The following PSMD14 variants were observed in gnomAD, a reference collection of about 807,000 sequenced individuals.
The protein encoded by PSMD14 is ubiquitin C-terminal hydrolase PSMD14.
PSMD14 carries 7 observed loss-of-function variants against 41.2 expected under a neutral mutation model. The ratio of observed to expected loss-of-function variants is 0.17; its 90% CI spans 0.10 to 0.32. PSMD14 has a LOEUF of 0.32. Ranked by LOEUF, PSMD14 falls within the 10% of genes least tolerant of loss-of-function variation. PSMD14 has a pLI of 1.00. For missense variants in PSMD14, 139 were observed against 375.6 expected (o/e 0.37, Z 5.21); for synonymous variants, 114 against 122.3 (o/e 0.93, Z 0.45).
At chr2:161,392,313 C>T (rs1030282254) in intron 9 of PSMD14, among the ~76,000 whole-genome samples, 5 of 152,156 alleles carry the variant, frequency 3.3e-5, no homozygotes, top group Non-Finnish European at 7.4e-5. Context: ...TTAGTGAGAC[C>T]GCTGTCAAGT....
chr2:161,406,419 G>A (rs946501498), intron 10 of PSMD14, among the ~76,000 whole-genome samples: 3 of 152,098 alleles, frequency 2.0e-5, no homozygotes, highest in East Asian at 1.9e-4. Context: ...AAAATTTGAC[G>A]CCAAATCACA....
At chr2:161,399,651 T>C (rs1295920681) in intron 10 of PSMD14, among the ~76,000 whole-genome samples, 1 of 152,220 alleles carries the variant, frequency 6.6e-6, no homozygotes, top group Admixed American at 6.5e-5. Context: ...AGACAAATGG[T>C]GTATAAACAT....
chr2:161,322,226 A>G (rs548734007), intron 3 of PSMD14, among the ~76,000 whole-genome samples: 15 of 152,184 alleles, frequency 9.9e-5, no homozygotes, highest in Non-Finnish European at 1.9e-4. Flanking sequence ...TTATTTGTAG[A>G]AACAATTCAG....
At chr2:161,402,113 C>G (rs1421585095) in intron 10 of PSMD14, among the ~76,000 whole-genome samples, 1 of 152,184 alleles carries the variant, frequency 6.6e-6, no homozygotes, top group Non-Finnish European at 1.5e-5. Flanking sequence ...TGACTAAATT[C>G]TTGAATTAAT....
At chr2:161,338,200 C>T (rs1559041590) in intron 3 of PSMD14, among the ~76,000 whole-genome samples, 1 of 152,126 alleles carries the variant, frequency 6.6e-6, no homozygotes, top group Non-Finnish European at 1.5e-5. Flanking sequence ...TAGAATTTCT[C>T]TCCAAGAATC....
intron 11 of PSMD14, among the ~76,000 whole-genome samples, chr2:161,409,930 A>G (rs1684001436): frequency 6.6e-6 from 1 of 152,048 alleles, no homozygotes; most frequent in Non-Finnish European, 1.5e-5. Flanking sequence ...ATACTAGATC[A>G]CCAACTTGGA....
At chr2:161,341,018 C>T (rs534052753) in intron 3 of PSMD14, 8 of 1,609,814 alleles carry the variant, frequency 5.0e-6, no homozygotes, top group East Asian at 4.5e-5. Flanking sequence ...CCTCCGCCTC[C>T]GCTGGCGCCG....
In PSMD14 at chr2:161,313,495, G is replaced by A. The variant is rs187864926; in HGVS notation, c.-137-2942G>A. 1.7e-4 allele frequency among the ~76,000 whole-genome samples: 26 copies of A among 152,152 alleles called. No homozygotes were observed. The East Asian group carries it at 1.7e-3, about 10-fold the overall frequency. ...CTCCCCAGTAGCTGGGATTACAGGC[G>A]TATGCCACTATGTCTGGCTAATTTT... On this transcript the variant is annotated intron_variant, in intron 1 of 11. Coordinates refer to ENST00000409682, the MANE Select transcript of PSMD14 (RefSeq NM_005805.6).
intron 3 of PSMD14, among the ~76,000 whole-genome samples, chr2:161,334,542 CAT>C (rs1491186136): frequency 6.6e-6 from 1 of 152,156 alleles, no homozygotes; most frequent in African/African-American, 2.4e-5. Flanking sequence ...TATATTAAGA[CAT>C]TTTTTAAAAA....
At chr2:161,370,744 A>G (rs1683420847) in intron 6 of PSMD14, among the ~76,000 whole-genome samples, 2 of 152,220 alleles carry the variant, frequency 1.3e-5, no homozygotes, top group East Asian at 1.9e-4. Context: ...TCCTAGTTCT[A>G]CTGCTGGTTT....
chr2:161,393,663 G>A (rs1683747225), intron 9 of PSMD14, among the ~76,000 whole-genome samples: 1 of 151,876 alleles, frequency 6.6e-6, no homozygotes, highest in African/African-American at 2.4e-5. Flanking sequence ...AAAGTATAAT[G>A]GTTCTATTGA....
chr2:161,341,145 G>C, intron 3 of PSMD14: 1 of 1,172,148 alleles, frequency 8.5e-7, no homozygotes, highest in Non-Finnish European at 1.1e-6. Flanking sequence ...CGGCTCGGGG[G>C]CGCAGGGGCG....
intron 10 of PSMD14, among the ~76,000 whole-genome samples, chr2:161,397,275 G>A (rs1157023659): frequency 6.6e-6 from 1 of 152,140 alleles, no homozygotes; most frequent in Non-Finnish European, 1.5e-5. Context: ...CCAAACAAAA[G>A]GTACGAAGAG....
chr2:161,407,767 C>A (rs941932692), intron 10 of PSMD14: 10 of 151,980 alleles, frequency 6.6e-5, no homozygotes, highest in African/African-American at 2.4e-4. Context: ...CATCTCACCT[C>A]CTTTTGTAAC....
chr2:161,315,865 C>T lies in PSMD14; in HGVS notation c.-137-572C>T, dbSNP rs191055625. On this transcript the variant is annotated intron_variant, in intron 1 of 11. Transcript: ENST00000409682. ...TCTTTTTTTTTTTTTTTTTTTGAGA[C>T]CGAGTTTCACTCTTGTTGCCCAGGC... is the stretch of plus-strand genomic sequence containing the variant. Among the ~76,000 whole-genome samples the T allele has an allele frequency of 3.5e-4, 50 of 142,554 alleles. 1 individual carries two copies. The highest frequency in any genetic ancestry group is 3.2e-3 in the Admixed American group (46 of 14,176). The allele number at this position is 142,554 out of a possible 152,430, so 93.5% of individuals were successfully genotyped here.
intron 9 of PSMD14, among the ~76,000 whole-genome samples, chr2:161,393,714 T>G (rs1683747891): frequency 6.6e-6 from 1 of 152,170 alleles, no homozygotes. Context: ...TTTTTTCTTT[T>G]ACTTTTCACA....
chr2:161,332,896 T>C (rs1379433779), intron 3 of PSMD14, among the ~76,000 whole-genome samples: 1 of 152,196 alleles, frequency 6.6e-6, no homozygotes, highest in Non-Finnish European at 1.5e-5. Flanking sequence ...TCATTGCTTA[T>C]GGGCCATGGA....
chr2:161,353,884 CA>C lies in PSMD14; in HGVS notation c.49-13593del, dbSNP rs369327957. Among the ~76,000 whole-genome samples the C allele has an allele frequency of 2.0e-3, 297 of 152,196 alleles. 1 individual carries two copies. Among genetic ancestry groups the C allele is most frequent in the Middle Eastern group, 6.8e-3 (2 of 294 alleles). ...GTGTAATATTTCATACATGGCTTTG[CA>C]TATTATAATTTAGAAGATGGGCTAG... On this transcript the variant is annotated intron_variant, in intron 3 of 11. Transcript: ENST00000409682.
chr2:161,397,703 C>T (rs1317850930), intron 10 of PSMD14, among the ~76,000 whole-genome samples: 2 of 152,052 alleles, frequency 1.3e-5, no homozygotes, highest in Non-Finnish European at 2.9e-5. Context: ...TTTGAGAGAA[C>T]TAAGCTTTAA....
Sources: allele counts gnomAD v4.1 joint callset (sites outside exome capture counted in the v4.1 genomes callset), GRCh38; gene constraint gnomAD v4.1.1; transcripts MANE v1.5; gene names NCBI Gene and HGNC (gene_info 2026-07-23, HGNC 2026-07-21).